Variants in CREB5 observed in about 807,000 individuals in gnomAD.
CREB5 encodes cAMP responsive element binding protein 5, also known as cyclic AMP-responsive element-binding protein 5.
Under a neutral mutation model 57.1 loss-of-function variants are expected in CREB5, and 19 were observed. The ratio of observed to expected loss-of-function variants is 0.33; its 90% CI spans 0.23 to 0.49. The LOEUF (loss-of-function observed/expected upper bound fraction) is 0.49. CREB5 is among the 20% of genes least tolerant of loss of function. The pLI, the probability that CREB5 is intolerant of heterozygous loss-of-function variation, is 0.99. For missense variants in CREB5, 579 were observed against 671.6 expected (o/e 0.86, Z 1.52); for synonymous variants, 238 against 238.3 (o/e 1.00, Z 0.01).
chr7:28,309,156 T>C (rs1785235007), intron 1 of CREB5, among the ~76,000 whole-genome samples: 1 of 152,218 alleles, frequency 6.6e-6, no homozygotes, highest in African/African-American at 2.4e-5. Flanking sequence ...CAGTCCACCC[T>C]GCAGATTTTG....
intron 1 of CREB5, among the ~76,000 whole-genome samples, chr7:28,369,895 T>A (rs1786670152): frequency 1.3e-5 from 2 of 152,162 alleles, no homozygotes; most frequent in Non-Finnish European, 2.9e-5. Context: ...AAATCATGGG[T>A]ACGTGAATCC....
intron 5 of CREB5, among the ~76,000 whole-genome samples, chr7:28,694,538 A>G (rs1801438988): frequency 6.6e-6 from 1 of 152,126 alleles, no homozygotes; most frequent in South Asian, 2.1e-4. Flanking sequence ...TAGTAGAATA[A>G]TCATCTTATA....
chr7:28,494,083 A>C (rs558724682), intron 2 of CREB5, among the ~76,000 whole-genome samples: 1 of 152,200 alleles, frequency 6.6e-6, no homozygotes, highest in Non-Finnish European at 1.5e-5. Flanking sequence ...TCCATAGATA[A>C]TGTCTAGCAT....
intron 1 of CREB5, among the ~76,000 whole-genome samples, chr7:28,358,639 C>T (rs1786397213): frequency 6.6e-6 from 1 of 152,206 alleles, no homozygotes; most frequent in African/African-American, 2.4e-5. Flanking sequence ...CCAGCATCTG[C>T]AGCCGTCCTG....
At chr7:28,564,212 G>A (rs778810356) in intron 4 of CREB5, among the ~76,000 whole-genome samples, 1 of 152,168 alleles carries the variant, frequency 6.6e-6, no homozygotes, top group Non-Finnish European at 1.5e-5. Flanking sequence ...TGCACAACTC[G>A]TAAATGCGAG....
chr7:28,792,646 G>C (rs933258414), intron 7 of CREB5, among the ~76,000 whole-genome samples: 3 of 152,218 alleles, frequency 2.0e-5, no homozygotes, highest in African/African-American at 7.2e-5. Context: ...ATGTAGACAT[G>C]CAGGGGAAAG....
intron 4 of CREB5, among the ~76,000 whole-genome samples, chr7:28,557,483 GT>G (rs111706648): frequency 6.6e-6 from 1 of 151,874 alleles, no homozygotes; most frequent in African/African-American, 2.4e-5. Context: ...CTGTGTGTGT[GT>G]TTTTTTTAAT....
intron 5 of CREB5, among the ~76,000 whole-genome samples, chr7:28,629,304 A>T (rs1474036289): frequency 6.6e-6 from 1 of 152,222 alleles, no homozygotes; most frequent in Non-Finnish European, 1.5e-5. Context: ...CAAGGGGCTA[A>T]TTTATTACCC....
chr7:28,680,525 A>C (rs772094487), intron 5 of CREB5, among the ~76,000 whole-genome samples: 7 of 152,158 alleles, frequency 4.6e-5, no homozygotes, highest in Non-Finnish European at 1.0e-4. Flanking sequence ...TGGAAGGCCA[A>C]GCTGGGAAGA....
At chr7:28,622,520 C>T (rs1031157205) in intron 5 of CREB5, among the ~76,000 whole-genome samples, 1 of 152,188 alleles carries the variant, frequency 6.6e-6, no homozygotes, top group African/African-American at 2.4e-5. Flanking sequence ...CTGAGAAGAA[C>T]AGAATATTAG....
intron 5 of CREB5, among the ~76,000 whole-genome samples, chr7:28,645,648 C>A (rs534360586): frequency 2.6e-5 from 4 of 152,266 alleles, no homozygotes; most frequent in African/African-American, 7.2e-5. Context: ...ATCAGTGTTT[C>A]TATGATGCTG....
intron 5 of CREB5, among the ~76,000 whole-genome samples, chr7:28,667,310 T>A (rs17156996): frequency 0.072 from 10,853 of 150,566 alleles, 586 homozygotes; most frequent in African/African-American, 0.15. Flanking sequence ...TGCTCGAAAC[T>A]GCCAGCAAGT....
At chr7:28,786,941 T>C (rs1807363819) in intron 7 of CREB5, among the ~76,000 whole-genome samples, 1 of 152,180 alleles carries the variant, frequency 6.6e-6, no homozygotes, top group Non-Finnish European at 1.5e-5. Context: ...TTGGAATTAT[T>C]TGACAGATAA....
rs78786238 is a variant in CREB5 at position 28,818,141 on chromosome 7, C to G, written c.1325C>G (p.Pro442Arg). 1.2e-6 allele frequency: 2 copies of G among 1,613,488 alleles called. No homozygotes were observed. The highest frequency in any genetic ancestry group is 1.7e-6 in the Non-Finnish European group (2 of 1,179,658). The change falls in exon 10 of 11, where the codon CCA (proline) becomes CGA (arginine). Residue 442 changes from proline to arginine, a missense_variant. Coordinates refer to ENST00000357727, the MANE Select transcript of CREB5 (RefSeq NM_182898.4). ...KQLLLTHKDC[P>R]ITAMQKESQG... ...TTGTTGTTAACACATAAAGACTGCC[C>G]AATAACAGCCATGCAGAAAGAATCA...
rs113091783 is a variant in CREB5 at position 28,503,914 on chromosome 7, G to T, written c.170-3702G>T. Among the ~76,000 whole-genome samples, 101 of 149,776 alleles carry T rather than the reference G, an allele frequency of 6.7e-4. No homozygotes were observed. In the Middle Eastern group the frequency reaches 0.017, roughly 26 times the overall value. On this transcript the variant is annotated intron_variant, in intron 3 of 10. Transcript: ENST00000357727. ...CCCCAGAGCAGAAGGACCAGAAAAAGGTCCCAGGGCTGTTACCAAATGTGA... is the reference window on the plus strand; with the variant it reads ...CCCCAGAGCAGAAGGACCAGAAAAATGTCCCAGGGCTGTTACCAAATGTGA...
At chr7:28,301,377 A>G (rs1225712848) in intron 1 of CREB5, among the ~76,000 whole-genome samples, 1 of 152,236 alleles carries the variant, frequency 6.6e-6, no homozygotes, top group Non-Finnish European at 1.5e-5. Flanking sequence ...AGTGCTACTC[A>G]AACACAAATG....
intron 4 of CREB5, among the ~76,000 whole-genome samples, chr7:28,535,333 A>G (rs1163645152): frequency 7.3e-6 from 1 of 137,546 alleles, no homozygotes; most frequent in African/African-American, 2.7e-5. Context: ...GAGGGAGGGA[A>G]GGAAAGAAGG....
chr7:28,436,633 T>C (rs1252501308), intron 1 of CREB5, among the ~76,000 whole-genome samples: 2 of 152,208 alleles, frequency 1.3e-5, no homozygotes, highest in Admixed American at 6.5e-5. Flanking sequence ...TGTAATTAGA[T>C]GCAATTGTCA....
rs117353288 is a variant in CREB5 at position 28,805,568 on chromosome 7, C to G, written c.1026+1046C>G. On this transcript the variant is annotated intron_variant, in intron 8 of 10. Transcript: ENST00000357727. The stretch of plus-strand genomic sequence containing the variant: ...GCAGCTTTTTGAACTCTTGAGCCCC[C>G]CTCCATTAACATGCACCAAACCTGG... 3.0e-3 allele frequency among the ~76,000 whole-genome samples: 459 copies of G among 152,324 alleles called. 18 individuals carry two copies. The East Asian group carries it at 0.081, about 27-fold the overall frequency.
Sources: allele counts gnomAD v4.1 joint callset (sites outside exome capture counted in the v4.1 genomes callset), GRCh38; gene constraint gnomAD v4.1.1; transcripts MANE v1.5; gene names NCBI Gene and HGNC (gene_info 2026-07-23, HGNC 2026-07-21).